The following GP6 variants were observed in gnomAD, a reference collection of about 807,000 sequenced individuals.
GP6 encodes platelet glycoprotein VI.
A neutral mutation model predicts 37.3 loss-of-function variants in GP6; 45 were observed. That is an observed-to-expected ratio of 1.21 (90% CI 0.95 to 1.55). GP6 has a LOEUF of 1.55. Ranked by LOEUF, GP6 falls within the 40% of genes most tolerant of loss-of-function variation. The pLI is 0.00. For synonymous variants in GP6, 340 were observed against 316.4 expected, an observed-to-expected ratio of 1.07 and a Z score of -0.79; for missense variants, 813 against 760.2, an observed-to-expected ratio of 1.07 and a Z score of -0.82.
chr19:55,030,514 A>ATTATTATTAT, intron 3 of GP6, among the ~76,000 whole-genome samples: 1 of 151,510 alleles, frequency 6.6e-6, no homozygotes, highest in African/African-American at 2.4e-5. Flanking sequence ...AATTATTATT[A>ATTATTATTAT]TTTTTTTTAG....
At chr19:55,036,059 C>T (rs1054590880) in intron 1 of GP6, among the ~76,000 whole-genome samples, 3 of 141,724 alleles carry the variant, frequency 2.1e-5, no homozygotes, top group African/African-American at 7.9e-5. Flanking sequence ...GGTGAGAGAG[C>T]GAGATTCCGT....
intron 1 of GP6, among the ~76,000 whole-genome samples, chr19:55,036,713 TAAATA>T (rs1269150836): frequency 6.7e-6 from 1 of 149,328 alleles, no homozygotes; most frequent in Admixed American, 6.7e-5. Flanking sequence ...TAAAATTAAA[TAAATA>T]AAAGTTAAAA....
intron 1 of GP6, among the ~76,000 whole-genome samples, chr19:55,036,502 C>T (rs1602649653): frequency 1.3e-5 from 2 of 150,920 alleles, no homozygotes; most frequent in East Asian, 2.0e-4. Flanking sequence ...AGTTCAAGAC[C>T]AGCCTGGGCA....
intron 1 of GP6, among the ~76,000 whole-genome samples, chr19:55,037,623 CTTTT>C (rs1179101360): frequency 9.9e-5 from 5 of 50,452 alleles, no homozygotes; most frequent in Non-Finnish European, 1.8e-4. Context: ...GGCACTCAGC[CTTTT>C]TTTTTTTTTT....
At chr19:55,028,132 C>A (rs560696913) in intron 3 of GP6, among the ~76,000 whole-genome samples, 3 of 152,330 alleles carry the variant, frequency 2.0e-5, no homozygotes, top group East Asian at 3.9e-4. Flanking sequence ...TGTATCTGAG[C>A]CTCACTGCCT....
chr19:55,024,320 A>ACATGCACGCACG (rs1568613086), intron 5 of GP6, among the ~76,000 whole-genome samples: 4 of 142,218 alleles, frequency 2.8e-5, no homozygotes, highest in African/African-American at 1.0e-4. Context: ...ATGCACGCAC[A>ACATGCACGCACG]CACACATATG....
chr19:55,027,663 G>T lies in GP6; in HGVS notation c.525C>A (p.Ser175Arg). ...AGAAGCTGTAGCATCGGTAGGTTCC[G>T]CTGTGGGCGGCGGTCACCGTGATGA... Residue 175 changes from serine to arginine, a missense_variant, in exon 4 of 8, where the codon AGC becomes AGA. By Grantham distance (110) the Ser-to-Arg change is moderately radical. Transcript: ENST00000310373. The T allele has an allele frequency of 6.2e-7, 1 of 1,612,004 alleles. No individual in the cohort carries two copies. Among genetic ancestry groups the T allele is most frequent in the Non-Finnish European group, 8.5e-7 (1 of 1,178,028 alleles).
chr19:55,036,797 A>G (rs2074846298), intron 1 of GP6, among the ~76,000 whole-genome samples: 1 of 152,070 alleles, frequency 6.6e-6, no homozygotes. Flanking sequence ...TGGAACCTGA[A>G]GTAAGGAGCT....
At chr19:55,033,140 C>T (rs1190201230) in intron 1 of GP6, among the ~76,000 whole-genome samples, 2 of 141,152 alleles carry the variant, frequency 1.4e-5, no homozygotes, top group East Asian at 4.1e-4. Context: ...GTGTTAGACA[C>T]GGTGGGTTCG....
intron 5 of GP6, among the ~76,000 whole-genome samples, chr19:55,022,342 G>A (rs1240512792): frequency 2.6e-5 from 4 of 152,082 alleles, no homozygotes; most frequent in East Asian, 3.9e-4. Flanking sequence ...TGTAAGGAAC[G>A]GGTCCAGTTT....
In GP6 at chr19:55,032,106, C is replaced by T. The variant is rs200428516; in HGVS notation, c.325+33G>A. ...TATTTGTGTCCTGAACGGAGGACCA[C>T]GCAGTCCCAGGCTCCGATCCCCCTT... On this transcript the variant is annotated intron_variant, in intron 3 of 7. Coordinates refer to ENST00000310373, the MANE Select transcript of GP6 (RefSeq NM_001083899.2). 16 of 1,609,020 alleles carry T rather than the reference C, an allele frequency of 9.9e-6. 1 individual carries two copies. Among genetic ancestry groups the T allele is most frequent in the South Asian group, 5.5e-5 (5 of 90,886 alleles).
intron 3 of GP6, 150 bp downstream of exon 3, chr19:55,031,989 A>T (rs544500610): frequency 1.3e-6 from 1 of 785,092 alleles, no homozygotes; most frequent in Non-Finnish European, 2.1e-6. Context: ...ACAAAATATT[A>T]TTCACATTGA....
intron 1 of GP6, among the ~76,000 whole-genome samples, chr19:55,037,228 A>G (rs1445477037): frequency 1.3e-5 from 2 of 152,202 alleles, no homozygotes; most frequent in Non-Finnish European, 2.9e-5. Flanking sequence ...ATCAGGCAGC[A>G]GAAATGCATT....
In GP6 at chr19:55,029,228, CT is replaced by C. The variant is rs1461543942; in HGVS notation, c.326-1367del. On this transcript the variant is annotated intron_variant, in intron 3 of 7. Transcript: ENST00000310373. Reference sequence around the variant, plus strand: ...CAACTATTATGTGTCTGTCTGTATTCTTTTTTTGTTGTTTCATTTGTTTTGT... The same window carrying C: ...CAACTATTATGTGTCTGTCTGTATTCTTTTTTGTTGTTTCATTTGTTTTGT... Among the ~76,000 whole-genome samples, 7 of 133,436 alleles carry C rather than the reference CT, an allele frequency of 5.2e-5. 1 individual carries two copies. Among genetic ancestry groups the C allele is most frequent in the Non-Finnish European group, 1.1e-4 (7 of 61,028 alleles). 87.5% of individuals were successfully genotyped at this position (133,436 alleles called of 152,430 possible). A position where few individuals can be genotyped will look rare whatever the true frequency, so the allele number is the denominator to read the frequency against.
At chr19:55,032,993 C>CGCGGTGGGT (rs2074644910) in intron 1 of GP6, 2 of 152,206 alleles carry the variant, frequency 1.3e-5, no homozygotes, top group Admixed American at 1.0e-4. Context: ...ACACGGTGGA[C>CGCGGTGGGT]TCGTTCGTGT....
In GP6 at chr19:55,038,242, C is replaced by A; in HGVS notation, c.-6G>T. 1.3e-6 allele frequency: 2 copies of A among 1,585,964 alleles called. No homozygotes were observed. The highest frequency in any genetic ancestry group is 1.7e-6 in the Non-Finnish European group (2 of 1,164,874). On this transcript the variant is annotated 5_prime_UTR_variant, in exon 1 of 8. The change creates a new upstream start codon in the 5' untranslated region. Transcript: ENST00000310373. ...GCGGTCGGGGATGGAGACATGGTTC[C>A]TCAGCCCTGTCCTGAGCTCTGTGGC...
At chr19:55,032,753 A>G in intron 1 of GP6, 1 of 655,082 alleles carries the variant, frequency 1.5e-6, no homozygotes, top group Non-Finnish European at 2.8e-6. Flanking sequence ...CAGAATAGGT[A>G]AATCTATAGG....
At chr19:55,018,110 G>A (rs890063999) in intron 6 of GP6, among the ~76,000 whole-genome samples, 1 of 152,170 alleles carries the variant, frequency 6.6e-6, no homozygotes, top group Admixed American at 6.5e-5. Flanking sequence ...GGTGCCTCAT[G>A]AAAGCCAGAG....
chr19:55,034,123 T>TGTACATATACACGTGTGTACATACAC (rs2074723882), intron 1 of GP6, among the ~76,000 whole-genome samples: 1 of 42,402 alleles, frequency 2.4e-5, no homozygotes, highest in Non-Finnish European at 5.7e-5. Flanking sequence ...CACACGTGTA[T>TGTACATATACACGTGTGTACATACAC]ATGTATGTAT....
Sources: allele counts gnomAD v4.1 joint callset (sites outside exome capture counted in the v4.1 genomes callset), GRCh38; gene constraint gnomAD v4.1.1; transcripts MANE v1.5; gene names NCBI Gene and HGNC (gene_info 2026-07-23, HGNC 2026-07-21).